Variants in XXYLT1 observed in about 807,000 individuals in gnomAD.
The protein encoded by XXYLT1 is xyloside xylosyltransferase 1, also known as UDP-xylose:alpha-xyloside alpha-1,3-xylosyltransferase.
Under a neutral mutation model 28.9 loss-of-function variants are expected in XXYLT1, and 20 were observed. The ratio of observed to expected loss-of-function variants is 0.69; its 90% CI spans 0.49 to 1.00. XXYLT1 has a LOEUF of 1.00. XXYLT1 is among the 50% of genes least tolerant of loss of function. The probability of loss-of-function intolerance (pLI) is 0.00; values close to 1 mark genes in which losing one functional copy is unlikely to be tolerated. For missense variants in XXYLT1, 542 were observed against 560.1 expected (o/e 0.97, Z 0.33); for synonymous variants, 257 against 253.8 (o/e 1.01, Z -0.12).
At chr3:195,184,515 A>G (rs1722091116) in intron 2 of XXYLT1, 1 of 682,388 alleles carries the variant, frequency 1.5e-6, no homozygotes, top group African/African-American at 2.0e-5. Flanking sequence ...GGCTGACACC[A>G]TACCTCAGAC....
At chr3:195,204,958 C>G (rs531415248) in intron 2 of XXYLT1, among the ~76,000 whole-genome samples, 7 of 152,292 alleles carry the variant, frequency 4.6e-5, no homozygotes, top group African/African-American at 1.7e-4. Context: ...CATCAGAGCA[C>G]AAATTTTCCT....
intron 3 of XXYLT1, among the ~76,000 whole-genome samples, chr3:195,141,468 C>T (rs1719484511): frequency 6.6e-6 from 1 of 152,184 alleles, no homozygotes; most frequent in African/African-American, 2.4e-5. Context: ...TCTTATAAGA[C>T]CCCGTATATG....
At chr3:195,143,468 A>G (rs1457128841) in intron 3 of XXYLT1, among the ~76,000 whole-genome samples, 4 of 152,142 alleles carry the variant, frequency 2.6e-5, no homozygotes, top group African/African-American at 9.7e-5. Flanking sequence ...TTTTGAAAAG[A>G]AAACAAATCA....
chr3:195,117,932 AG>A (rs1718137324), intron 3 of XXYLT1, among the ~76,000 whole-genome samples: 1 of 152,236 alleles, frequency 6.6e-6, no homozygotes, highest in Non-Finnish European at 1.5e-5. Context: ...CACTCTGCTC[AG>A]GGCAGCATGT....
intron 3 of XXYLT1, among the ~76,000 whole-genome samples, chr3:195,145,928 G>T (rs1004023980): frequency 6.6e-6 from 1 of 152,254 alleles, no homozygotes; most frequent in African/African-American, 2.4e-5. Flanking sequence ...GATCACAGGG[G>T]TTCTCTATGA....
Position 195,074,649 on chromosome 3 carries a change from C to A in XXYLT1, c.786-4538G>T, listed in dbSNP as rs138656020. ...GCCCAGAGGCTCTCCGGACACCCTGCGCCCTGGCTGGGTGATGTCGGCTAA... is the reference window on the plus strand; with the variant it reads ...GCCCAGAGGCTCTCCGGACACCCTGAGCCCTGGCTGGGTGATGTCGGCTAA... On this transcript the variant is annotated intron_variant, in intron 3 of 3. Coordinates refer to ENST00000310380, the MANE Select transcript of XXYLT1 (RefSeq NM_152531.5). 1.9e-4 allele frequency among the ~76,000 whole-genome samples: 29 copies of A among 152,306 alleles called. No individual in the cohort carries two copies. The South Asian group carries it at 5.6e-3, about 29-fold the overall frequency.
At chr3:195,110,508 T>TGGGTGA (rs1717578611) in intron 3 of XXYLT1, among the ~76,000 whole-genome samples, 1 of 27,004 alleles carries the variant, frequency 3.7e-5, no homozygotes, top group South Asian at 8.7e-4. Context: ...GCATGGTGTG[T>TGGGTGA]GGTGTATGTG....
intron 3 of XXYLT1, among the ~76,000 whole-genome samples, chr3:195,126,826 T>C (rs943619361): frequency 2.0e-5 from 3 of 152,222 alleles, no homozygotes; most frequent in Non-Finnish European, 4.4e-5. Flanking sequence ...TGCTCTGACC[T>C]GGCTGCCTGG....
intron 3 of XXYLT1, among the ~76,000 whole-genome samples, chr3:195,111,720 C>T (rs1212553654): frequency 6.6e-6 from 1 of 152,192 alleles, no homozygotes; most frequent in African/African-American, 2.4e-5. Context: ...CAGAATTCCA[C>T]TGTCTTCAAC....
At chr3:195,228,564 T>A (rs1260703356) in intron 1 of XXYLT1, among the ~76,000 whole-genome samples, 1 of 146,638 alleles carries the variant, frequency 6.8e-6, no homozygotes, top group Non-Finnish European at 1.5e-5. Flanking sequence ...CAATCTGGGC[T>A]CACTGACACC....
intron 3 of XXYLT1, among the ~76,000 whole-genome samples, chr3:195,105,087 A>G (rs1445095912): frequency 1.3e-5 from 2 of 152,218 alleles, no homozygotes; most frequent in Non-Finnish European, 1.5e-5. Context: ...TATTTCATCC[A>G]TATAACCAAC....
rs563076768 is a variant in XXYLT1 at position 195,108,602 on chromosome 3, T to C, written c.786-38491A>G. Among the ~76,000 whole-genome samples the C allele has an allele frequency of 2.6e-5, 4 of 152,324 alleles. No homozygotes were observed. In the East Asian group the frequency reaches 7.7e-4, roughly 29 times the overall value. On this transcript the variant is annotated intron_variant, in intron 3 of 3. Coordinates refer to ENST00000310380, the MANE Select transcript of XXYLT1 (RefSeq NM_152531.5). The stretch of plus-strand genomic sequence containing the variant: ...ACAGAGTGACTTCCACAAACCTAGA[T>C]GGTATTGCCCACCACACACCTGGGC...
intron 3 of XXYLT1, among the ~76,000 whole-genome samples, chr3:195,109,834 CGTGTGTGTGGTGTATGTGTGCCTGT>C (rs1443019514): frequency 6.2e-5 from 2 of 32,132 alleles, no homozygotes; most frequent in African/African-American, 1.7e-4. Context: ...TATGAGTGTG[CGTGTGTGTGGTGTATGTGTGCCTGT>C]GTGTGTGGTG....
At chr3:195,199,412 C>T (rs894126491) in intron 2 of XXYLT1, among the ~76,000 whole-genome samples, 2 of 152,074 alleles carry the variant, frequency 1.3e-5, no homozygotes, top group Admixed American at 6.5e-5. Flanking sequence ...GAGATCGAGA[C>T]CATCCTGGCT....
Position 195,270,782 on chromosome 3 carries a change from C to T in XXYLT1, c.277G>A (p.Gly93Ser), listed in dbSNP as rs757257761. 4 of 1,570,036 alleles carry T rather than the reference C, an allele frequency of 2.5e-6. No homozygotes were observed. The highest frequency in any genetic ancestry group is 2.6e-6 in the Non-Finnish European group (3 of 1,163,488). ...AGGTGGTAGTCCACCGGCCCGGCAC[C>T]GCCGCCCTCCAAGCTCTTGGCCTTC... ...GAKAKSLEGG[G>S]AGPVDYHLLM... Residue 93 changes from glycine to serine, a missense_variant, in exon 1 of 4, where the codon GGT becomes AGT. Transcript: ENST00000310380.
Position 195,195,040 on chromosome 3 carries a change from T to C in XXYLT1, c.652+31669A>G, listed in dbSNP as rs1722568375. ...CACAGAATTGTGCATTTGCAATGGA[T>C]GAATGTGATGGTATAAACTGTACCT... On this transcript the variant is annotated intron_variant, in intron 2 of 3. Transcript: ENST00000310380. The surrounding 1 kb of genome is among the most constrained non-coding windows in gnomAD (Gnocchi z 4.4). Among the ~76,000 whole-genome samples the C allele has an allele frequency of 6.6e-6, 1 of 152,094 alleles. No homozygotes were observed. Among genetic ancestry groups the C allele is most frequent in the South Asian group, 2.1e-4 (1 of 4,830 alleles).
intron 1 of XXYLT1, among the ~76,000 whole-genome samples, chr3:195,265,792 C>T (rs1291902377): frequency 6.6e-6 from 1 of 152,198 alleles, no homozygotes; most frequent in African/African-American, 2.4e-5. Flanking sequence ...ACCACGAAGA[C>T]AGCGCCACCC....
At chr3:195,156,667 G>T in intron 2 of XXYLT1, 86 bp from the exon 3 acceptor site, 1 of 1,536,242 alleles carries the variant, frequency 6.5e-7, no homozygotes, top group Non-Finnish European at 8.8e-7. Context: ...GGAGGGCAGA[G>T]AAAAGGGCAC....
At chr3:195,130,756 CA>C (rs1345108581) in intron 3 of XXYLT1, among the ~76,000 whole-genome samples, 16 of 152,170 alleles carry the variant, frequency 1.1e-4, no homozygotes, top group Non-Finnish European at 1.8e-4. Flanking sequence ...AGAATCTGAA[CA>C]AATGTACCCA....
Sources: gnomAD v4.1 joint callset for allele counts (sites outside exome capture counted in the v4.1 genomes callset) on GRCh38, gnomAD v4.1.1 for gene constraint, Gnocchi (gnomAD v3.1) non-coding constraint, MANE v1.5 for transcripts, NCBI Gene and HGNC (gene_info 2026-07-23, HGNC 2026-07-21) for gene names.